Variants in ZNF346 observed in about 807,000 individuals in gnomAD.
ZNF346 encodes the protein zinc finger protein 346, also known as double-stranded RNA-binding zinc finger protein JAZ.
Under a neutral mutation model 33.7 loss-of-function variants are expected in ZNF346, and 23 were observed. That is an observed-to-expected ratio of 0.68 (90% CI 0.49 to 0.97). The LOEUF (loss-of-function observed/expected upper bound fraction) is 0.97. Ranked by LOEUF, ZNF346 falls within the 50% of genes least tolerant of loss-of-function variation. The pLI is 0.00. For synonymous variants in ZNF346, 134 were observed against 142.4 expected (o/e 0.94, Z 0.42); for missense variants, 340 against 371.1 (o/e 0.92, Z 0.69).
intron 5 of ZNF346, 25 bp downstream of exon 5, chr5:177,050,961 G>A (rs1231375787): frequency 6.3e-7 from 1 of 1,598,142 alleles, no homozygotes; most frequent in Non-Finnish European, 8.6e-7. Flanking sequence ...CTCACACCCA[G>A]AGCTGGACCA....
chr5:177,038,714 A>T (rs935455517), intron 1 of ZNF346, among the ~76,000 whole-genome samples: 2 of 151,742 alleles, frequency 1.3e-5, no homozygotes, highest in East Asian at 1.9e-4. Context: ...TCTGATTCTG[A>T]ATATGCTTGA....
rs1056231481 is a variant in ZNF346, at chr5:177,062,205, T to G, written c.797+54T>G. On this transcript the variant is annotated intron_variant, in intron 6 of 6. Coordinates refer to ENST00000358149, the MANE Select transcript of ZNF346 (RefSeq NM_012279.4). The stretch of plus-strand genomic sequence containing the variant: ...ATCCATAGCAGGAGCTCAGGACTTC[T>G]GCATCAGAACAAAGCCAGGTAGTTC... 7 of 1,483,354 alleles carry G rather than the reference T, an allele frequency of 4.7e-6. No homozygotes were observed. The African/African-American group carries it at 9.7e-5, about 21-fold the overall frequency. 91.9% of individuals were successfully genotyped at this position (1,483,354 alleles called of 1,614,324 possible). A position where few individuals can be genotyped will look rare whatever the true frequency, so the allele number is the denominator to read the frequency against.
chr5:177,047,205 C>T (rs1043942949), intron 4 of ZNF346, among the ~76,000 whole-genome samples: 17 of 151,910 alleles, frequency 1.1e-4, no homozygotes, highest in East Asian at 9.6e-4. Flanking sequence ...CGTGCCACCG[C>T]GCCTGGCCAA....
downstream of ZNF346, among the ~76,000 whole-genome samples, chr5:177,068,475 C>G (rs1285598629): frequency 1.4e-5 from 2 of 144,022 alleles, no homozygotes; most frequent in African/African-American, 2.9e-5. Flanking sequence ...CAGGCAAGCT[C>G]TCTCCAAGAG....
intron 5 of ZNF346, among the ~76,000 whole-genome samples, chr5:177,051,341 A>AT (rs1474300832): frequency 1.3e-5 from 2 of 150,330 alleles, no homozygotes; most frequent in Non-Finnish European, 3.0e-5. Context: ...TGCCCAGCTA[A>AT]TTTTTTTGTA....
chr5:177,041,267 G>T, intron 2 of ZNF346, 38 bp downstream of exon 2: 1 of 1,527,178 alleles, frequency 6.5e-7, no homozygotes, highest in Non-Finnish European at 9.1e-7. Context: ...TTTCTTTTCA[G>T]ACCTGGTGCC....
intron 4 of ZNF346, among the ~76,000 whole-genome samples, chr5:177,048,481 C>T (rs932024528): frequency 1.3e-5 from 2 of 152,134 alleles, no homozygotes; most frequent in African/African-American, 4.8e-5. Flanking sequence ...ATTAGCTGGG[C>T]ATGGTGGCGT....
At chr5:177,051,489 C>G (rs1428597954) in intron 5 of ZNF346, among the ~76,000 whole-genome samples, 1 of 149,254 alleles carries the variant, frequency 6.7e-6, no homozygotes, top group Non-Finnish European at 1.5e-5. Context: ...TTCAGGTTTT[C>G]AAAAGACTCT....
intron 8 of ZNF346, among the ~76,000 whole-genome samples, chr5:177,078,153 AG>A (rs1356261940): frequency 1.3e-5 from 2 of 151,962 alleles, no homozygotes; most frequent in African/African-American, 4.8e-5. Flanking sequence ...TCTCAAAAAA[AG>A]AAAAGAAAAG....
In ZNF346 at chr5:177,078,071, C is replaced by A. The variant is rs182886730; in HGVS notation, c.*3-1311C>A. Among the ~76,000 whole-genome samples the A allele has an allele frequency of 2.4e-3, 367 of 152,068 alleles. 2 individuals carry two copies. Among genetic ancestry groups the A allele is most frequent in the African/African-American group, 8.3e-3 (346 of 41,490 alleles). On this transcript the variant is annotated intron_variant, in intron 8 of 8. Transcript: ENST00000503039. Reference sequence around the variant, plus strand: ...CTGAGGCAGGAAAATTGCTTGAACCCGGGAGGTGGAGGTTGCAGTGAGCTG... The same window carrying A: ...CTGAGGCAGGAAAATTGCTTGAACCAGGGAGGTGGAGGTTGCAGTGAGCTG...
intron 1 of ZNF346, among the ~76,000 whole-genome samples, chr5:177,034,928 T>C (rs913323425): frequency 6.6e-6 from 1 of 152,246 alleles, no homozygotes; most frequent in African/African-American, 2.4e-5. Context: ...TATTGGAACA[T>C]GTATGCATTA....
At chr5:177,057,634 A>AT (rs1277125158) in intron 5 of ZNF346, among the ~76,000 whole-genome samples, 2 of 151,514 alleles carry the variant, frequency 1.3e-5, no homozygotes, top group African/African-American at 2.4e-5. Context: ...ACTACTCAGG[A>AT]TGCTGAGGCA....
At chr5:177,029,832 C>G (rs370862693) in intron 1 of ZNF346, among the ~76,000 whole-genome samples, 46 of 152,164 alleles carry the variant, frequency 3.0e-4, no homozygotes, top group Admixed American at 1.3e-3. Flanking sequence ...CGATTTATAG[C>G]CGGTTGGTCA....
rs1783097032 is a variant in ZNF346 at position 177,065,736 on chromosome 5, T to C, written c.*1137T>C. The C allele has an allele frequency of 6.6e-6, 1 of 152,052 alleles. No individual in the cohort carries two copies. Among genetic ancestry groups the C allele is most frequent in the South Asian group, 2.1e-4 (1 of 4,814 alleles). 9.4% of individuals were successfully genotyped at this position (152,052 alleles called of 1,614,324 possible). A position where few individuals can be genotyped will look rare whatever the true frequency, so the allele number is the denominator to read the frequency against. On this transcript the variant is annotated 3_prime_UTR_variant, in exon 7 of 7. Transcript: ENST00000358149. The stretch of plus-strand genomic sequence containing the variant: ...ACCTTGAGACGAGAATTCCAAGGAG[T>C]GTCACCATCAGAGGCTTCTCTTCAT...
At chr5:177,045,899 T>G (rs541035816) in intron 4 of ZNF346, among the ~76,000 whole-genome samples, 1 of 152,248 alleles carries the variant, frequency 6.6e-6, no homozygotes, top group Non-Finnish European at 1.5e-5. Context: ...CCTGGCACTG[T>G]TACTGTTTAT....
At chr5:177,063,483 C>T (rs901286498) in intron 6 of ZNF346, among the ~76,000 whole-genome samples, 10 of 151,988 alleles carry the variant, frequency 6.6e-5, no homozygotes, top group African/African-American at 2.4e-4. Flanking sequence ...TAGGTGTAGA[C>T]TTGAGTTGCC....
chr5:177,059,986 G>T (rs981373223), intron 5 of ZNF346, among the ~76,000 whole-genome samples: 1 of 152,280 alleles, frequency 6.6e-6, no homozygotes, highest in East Asian at 1.9e-4. Context: ...ATCAAGAAAG[G>T]CACCCCAGAG....
intron 5 of ZNF346, among the ~76,000 whole-genome samples, chr5:177,056,106 A>G (rs416818): frequency 0.58 from 86,060 of 149,334 alleles, 26,506 homozygotes; most frequent in African/African-American, 0.81. Flanking sequence ...TTAGCCGGGC[A>G]TGGTGGCATG....
intron 1 of ZNF346, 168 bp downstream of exon 1, chr5:177,023,081 C>A: frequency 1.4e-6 from 2 of 1,432,194 alleles, no homozygotes; most frequent in Non-Finnish European, 1.9e-6. Flanking sequence ...AAGAATCGGG[C>A]CCCCAGCGCG....
Sources: allele counts gnomAD v4.1 joint callset (sites outside exome capture counted in the v4.1 genomes callset), GRCh38; gene constraint gnomAD v4.1.1; transcripts MANE v1.5; gene names NCBI Gene and HGNC (gene_info 2026-07-23, HGNC 2026-07-21).